Variants in ZNF385D observed in about 807,000 individuals in gnomAD.
The protein encoded by ZNF385D is zinc finger protein 659.
ZNF385D carries 15 observed loss-of-function variants against 35.8 expected under a neutral mutation model. The observed-to-expected ratio is 0.42, with a 90% confidence interval of 0.28 to 0.64. The LOEUF (loss-of-function observed/expected upper bound fraction) is 0.64, where lower values mean the gene tolerates loss of function less well. Ranked by LOEUF, ZNF385D falls within the 30% of genes least tolerant of loss-of-function variation. The pLI is 0.23. For synonymous variants in ZNF385D, 212 were observed against 186.8 expected (o/e 1.13, Z -1.10); for missense variants, 474 against 494.6 (o/e 0.96, Z 0.39).
intron 2 of ZNF385D, among the ~76,000 whole-genome samples, chr3:22,264,627 T>C (rs974826362): frequency 2.6e-5 from 4 of 151,956 alleles, no homozygotes; most frequent in African/African-American, 7.2e-5. Flanking sequence ...GAAATATTAA[T>C]ATATATTTAC....
intron 3 of ZNF385D, among the ~76,000 whole-genome samples, chr3:22,132,435 G>A (rs894978175): frequency 2.0e-5 from 3 of 152,104 alleles, no homozygotes; most frequent in Non-Finnish European, 2.9e-5. Flanking sequence ...TGTAATAGCA[G>A]TTCAAACACA....
chr3:21,933,516 G>C (rs1426202860), intron 3 of ZNF385D, among the ~76,000 whole-genome samples: 1 of 152,174 alleles, frequency 6.6e-6, no homozygotes, highest in Non-Finnish European at 1.5e-5. Flanking sequence ...ATAATTACCT[G>C]AGCATCTCAG....
At chr3:21,506,761 A>G (rs2125454392) in intron 4 of ZNF385D, among the ~76,000 whole-genome samples, 1 of 152,334 alleles carries the variant, frequency 6.6e-6, no homozygotes, top group East Asian at 1.9e-4. Context: ...TAAAAATATT[A>G]CTTTTACCTG....
intron 3 of ZNF385D, among the ~76,000 whole-genome samples, chr3:21,949,195 G>T (rs923656024): frequency 1.3e-5 from 2 of 152,106 alleles, no homozygotes; most frequent in Non-Finnish European, 2.9e-5. Context: ...AATTCTTAGG[G>T]AAACAGAATT....
intron 3 of ZNF385D, among the ~76,000 whole-genome samples, chr3:21,811,343 G>A (rs1487024929): frequency 6.6e-6 from 1 of 152,000 alleles, no homozygotes; most frequent in African/African-American, 2.4e-5. Flanking sequence ...TTCAGGACTG[G>A]GAGAGGAAAT....
chr3:21,970,574 G>C (rs1038446808), intron 3 of ZNF385D, among the ~76,000 whole-genome samples: 2 of 151,840 alleles, frequency 1.3e-5, no homozygotes, highest in Admixed American at 6.6e-5. Context: ...CAGCCTCAAA[G>C]GGCCAAATCT....
chr3:22,180,273 C>G (rs1455096844), intron 2 of ZNF385D, among the ~76,000 whole-genome samples: 1 of 152,156 alleles, frequency 6.6e-6, no homozygotes, highest in Non-Finnish European at 1.5e-5. Flanking sequence ...ATAACAGGCT[C>G]TGAAATTGAG....
At chr3:21,591,507 TATA>T (rs1288376603) in intron 2 of ZNF385D, among the ~76,000 whole-genome samples, 3 of 152,180 alleles carry the variant, frequency 2.0e-5, no homozygotes, top group Non-Finnish European at 2.9e-5. Context: ...GATTAATTAC[TATA>T]ATAATTAATG....
chr3:22,119,124 G>T (rs942308180), intron 3 of ZNF385D, among the ~76,000 whole-genome samples: 2 of 152,148 alleles, frequency 1.3e-5, no homozygotes, highest in Non-Finnish European at 2.9e-5. Context: ...AGGACGTCCT[G>T]TGGTGCTGCC....
Position 21,899,202 on chromosome 3 carries a change from G to A in ZNF385D, c.326-234174C>T, listed in dbSNP as rs549479382. On this transcript the variant is annotated intron_variant, in intron 3 of 5. Coordinates refer to the ZNF385D transcript ENST00000494108. ...TTACTGTACGTGCTACAATGCCCAG[G>A]ACAGTGCCCTATGACAAAAAATTAT... Among the ~76,000 whole-genome samples, 7 of 152,040 alleles carry A rather than the reference G, an allele frequency of 4.6e-5. No individual in the cohort carries two copies. In the South Asian group the frequency reaches 1.0e-3, roughly 23 times the overall value.
intron 3 of ZNF385D, among the ~76,000 whole-genome samples, chr3:22,106,945 A>AACATCTCTCTGAC (rs1027306613): frequency 2.6e-5 from 4 of 151,994 alleles, no homozygotes; most frequent in Admixed American, 6.6e-5. Flanking sequence ...CTCTCTCTGA[A>AACATCTCTCTGAC]ACATCTCTCT....
At chr3:22,137,277 T>C (rs1402859912) in intron 3 of ZNF385D, among the ~76,000 whole-genome samples, 2 of 152,130 alleles carry the variant, frequency 1.3e-5, no homozygotes, top group East Asian at 1.9e-4. Context: ...TCTGAAACCA[T>C]TCCAATCAAT....
intron 1 of ZNF385D, among the ~76,000 whole-genome samples, chr3:21,721,024 A>C (rs115662388): frequency 2.0e-5 from 3 of 152,186 alleles, no homozygotes; most frequent in African/African-American, 7.2e-5. Context: ...TTTAATTTTT[A>C]AAAAACATAT....
chr3:21,455,160 C>T (rs1068109), intron 4 of ZNF385D, among the ~76,000 whole-genome samples: 45,571 of 152,010 alleles, frequency 0.3, 8,184 homozygotes, highest in Non-Finnish European at 0.4. Context: ...GCCATACTGC[C>T]CAAGGTAATT....
chr3:21,607,977 A>G (rs140432728), intron 2 of ZNF385D, among the ~76,000 whole-genome samples: 62 of 147,696 alleles, frequency 4.2e-4, no homozygotes, highest in Non-Finnish European at 8.0e-4. Context: ...CCTTTAGCCA[A>G]ATAACCGTAA....
chr3:21,792,224 T>A (rs1323616526), intron 3 of ZNF385D, among the ~76,000 whole-genome samples: 1 of 152,160 alleles, frequency 6.6e-6, no homozygotes, highest in Non-Finnish European at 1.5e-5. Flanking sequence ...CCCTCTTGAT[T>A]TTAATATTCA....
At position 22,021,456 on chromosome 3, in the gene ZNF385D, T is replaced by C. The variant is rs535058334; in HGVS notation, c.325+147361A>G. Among the ~76,000 whole-genome samples, 57 of 152,142 alleles carry C rather than the reference T, an allele frequency of 3.7e-4. No homozygotes were observed. The South Asian group carries it at 0.012, about 32-fold the overall frequency. On this transcript the variant is annotated intron_variant, in intron 3 of 5. Transcript: ENST00000494108. ...AACAATATTATTACTAGAGTCACAATATCTTAGGTTCAGAGTCAAACTGAC... is the reference window on the plus strand; with the variant it reads ...AACAATATTATTACTAGAGTCACAACATCTTAGGTTCAGAGTCAAACTGAC...
intron 1 of ZNF385D, among the ~76,000 whole-genome samples, chr3:21,691,517 C>T (rs992674618): frequency 3.3e-5 from 5 of 152,024 alleles, no homozygotes; most frequent in African/African-American, 4.8e-5. Context: ...TTGTGCCCAA[C>T]CTTTTCTCCT....
chr3:22,136,366 C>A (rs1050310160), intron 3 of ZNF385D, among the ~76,000 whole-genome samples: 1 of 147,552 alleles, frequency 6.8e-6, no homozygotes, highest in Non-Finnish European at 1.5e-5. Flanking sequence ...TCCGCCTGGG[C>A]GACAAAGTGA....
Sources: allele counts gnomAD v4.1 joint callset (sites outside exome capture counted in the v4.1 genomes callset), GRCh38; gene constraint gnomAD v4.1.1; transcripts MANE v1.5; gene names NCBI Gene and HGNC (gene_info 2026-07-23, HGNC 2026-07-21).